UBE3C: variants seen among roughly 807,000 people sequenced by gnomAD.
UBE3C encodes the protein ubiquitin-protein ligase E3C.
Under a neutral mutation model 129.4 loss-of-function variants are expected in UBE3C, and 42 were observed. The ratio of observed to expected loss-of-function variants is 0.32; its 90% CI spans 0.25 to 0.42. UBE3C has a LOEUF of 0.42. Ranked by LOEUF, UBE3C falls within the 10% of genes least tolerant of loss-of-function variation. The pLI is 1.00. For missense variants in UBE3C, 1,049 were observed against 1,319.1 expected (o/e 0.80, Z 3.17); for synonymous variants, 510 against 492.4 (o/e 1.04, Z -0.47).
rs188549915 is a variant in UBE3C at position 157,177,624 on chromosome 7, G to A, written c.459-1066G>A. On this transcript the variant is annotated intron_variant, in intron 5 of 22. Coordinates refer to ENST00000348165, the MANE Select transcript of UBE3C (RefSeq NM_014671.3). The stretch of plus-strand genomic sequence containing the variant: ...CTCGTACACCCCTCGAGAGACACCA[G>A]TGTGGTGCTGAGGGGAAAGTTGTGA... 3.8e-4 allele frequency among the ~76,000 whole-genome samples: 58 copies of A among 152,348 alleles called. 2 individuals are homozygous for A. The highest frequency in any genetic ancestry group is 3.4e-3 in the Admixed American group (52 of 15,302).
chr7:157,265,566 A>G (rs1366375021), intron 22 of UBE3C, among the ~76,000 whole-genome samples: 1 of 152,194 alleles, frequency 6.6e-6, no homozygotes, highest in Admixed American at 6.5e-5. Flanking sequence ...AGCTGAGAGA[A>G]GTGCCCAGCA....
intron 9 of UBE3C, 39 bp downstream of exon 9, chr7:157,184,068 G>A (rs778052560): frequency 6.2e-7 from 1 of 1,601,718 alleles, no homozygotes; most frequent in South Asian, 1.1e-5. Flanking sequence ...CTGCGATGCA[G>A]GCAGCCCCGT....
intron 1 of UBE3C, among the ~76,000 whole-genome samples, chr7:157,149,129 T>C (rs1437089247): frequency 1.3e-5 from 2 of 152,156 alleles, no homozygotes; most frequent in East Asian, 3.9e-4. Flanking sequence ...CAATCTCGGC[T>C]CACTGCAACC....
intron 2 of UBE3C, among the ~76,000 whole-genome samples, chr7:157,165,188 C>A (rs888012502): frequency 1.3e-5 from 2 of 152,094 alleles, no homozygotes; most frequent in African/African-American, 4.8e-5. Context: ...AAATTCTCGG[C>A]CATTATCTCT....
chr7:157,208,052 A>AT, intron 13 of UBE3C, 117 bp downstream of exon 13: 1 of 206,282 alleles, frequency 4.8e-6, no homozygotes, highest in Non-Finnish European at 8.7e-6. Flanking sequence ...TTAATTTGCA[A>AT]GACTTTTTTT....
At chr7:157,158,206 A>T (rs1199667862) in intron 1 of UBE3C, among the ~76,000 whole-genome samples, 1 of 151,876 alleles carries the variant, frequency 6.6e-6, no homozygotes, top group Non-Finnish European at 1.5e-5. Context: ...AGTCAGCTTT[A>T]ACTTGGAGGC....
In UBE3C at chr7:157,143,449, C is replaced by T. The variant is rs573555904; in HGVS notation, c.66+4111C>T. On this transcript the variant is annotated intron_variant, in intron 1 of 22. Transcript: ENST00000348165. ...GCAGGTATCACCACCACAGGAGTTG[C>T]TTGTCTTTCTCCAGGAGCTGGGTGC... 2.6e-5 allele frequency among the ~76,000 whole-genome samples: 4 copies of T among 152,310 alleles called. No homozygotes were observed. The East Asian group carries it at 7.7e-4, about 29-fold the overall frequency.
At chr7:157,218,151 A>G (rs1368333436) in intron 14 of UBE3C, among the ~76,000 whole-genome samples, 2 of 152,186 alleles carry the variant, frequency 1.3e-5, no homozygotes, top group Non-Finnish European at 2.9e-5. Flanking sequence ...GAGGGTATAA[A>G]AGAAACCATG....
intron 11 of UBE3C, among the ~76,000 whole-genome samples, chr7:157,205,746 A>G (rs975390802): frequency 1.3e-5 from 2 of 152,222 alleles, no homozygotes; most frequent in African/African-American, 4.8e-5. Flanking sequence ...CACAACTGCA[A>G]ACATGGATCA....
chr7:157,173,857 T>C (rs1321121675), intron 4 of UBE3C, among the ~76,000 whole-genome samples: 1 of 152,202 alleles, frequency 6.6e-6, no homozygotes, highest in Non-Finnish European at 1.5e-5. Context: ...AGAAAGCCTG[T>C]GTGTAGGCAA....
intron 14 of UBE3C, among the ~76,000 whole-genome samples, chr7:157,219,527 A>G (rs1384464796): frequency 6.6e-6 from 1 of 152,228 alleles, no homozygotes; most frequent in African/African-American, 2.4e-5. Flanking sequence ...TTAGAAGTAC[A>G]TCTTTAACAA....
chr7:157,201,818 T>A lies in UBE3C; in HGVS notation c.1418+11T>A. ...ACGGATGATCACAGGGTATGTATTA[T>A]ACAGACTTATAAATTGAGCTCAAGG... is the stretch of plus-strand genomic sequence containing the variant. On this transcript the variant is annotated intron_variant, in intron 11 of 22. Transcript: ENST00000348165. The A allele has an allele frequency of 6.3e-7, 1 of 1,597,218 alleles. No individual in the cohort carries two copies. Among genetic ancestry groups the A allele is most frequent in the Non-Finnish European group, 8.5e-7 (1 of 1,171,452 alleles).
intron 2 of UBE3C, among the ~76,000 whole-genome samples, chr7:157,165,919 A>G (rs548439474): frequency 3.9e-5 from 6 of 152,266 alleles, no homozygotes; most frequent in African/African-American, 1.4e-4. Flanking sequence ...TTTCCTTTAT[A>G]GGTGACTAGC....
intron 1 of UBE3C, among the ~76,000 whole-genome samples, chr7:157,142,030 A>G (rs530302366): frequency 7.2e-5 from 11 of 152,348 alleles, no homozygotes; most frequent in African/African-American, 2.6e-4. Context: ...GAAGGTATCC[A>G]GGTTTCCACA....
intron 1 of UBE3C, 84 bp from the exon 2 acceptor site, chr7:157,163,726 G>C: frequency 2.1e-6 from 3 of 1,436,156 alleles, no homozygotes; most frequent in South Asian, 2.4e-5. Context: ...TCTTTTTTTG[G>C]GTGAAAACAT....
intron 5 of UBE3C, 85 bp downstream of exon 5, chr7:157,175,119 G>T: frequency 3.3e-6 from 2 of 604,444 alleles, no homozygotes; most frequent in Non-Finnish European, 4.7e-6. Flanking sequence ...TATTTTCAGA[G>T]ACAGTGGCTT....
intron 5 of UBE3C, among the ~76,000 whole-genome samples, chr7:157,176,088 A>G (rs990911511): frequency 5.3e-5 from 8 of 152,170 alleles, no homozygotes; most frequent in African/African-American, 1.9e-4. Flanking sequence ...ATGTATTTGT[A>G]TAAGCAAATA....
chr7:157,262,281 GAAA>G (rs530707082), intron 22 of UBE3C, among the ~76,000 whole-genome samples: 4 of 144,980 alleles, frequency 2.8e-5, no homozygotes, highest in African/African-American at 1.0e-4. Flanking sequence ...ACTATAATTA[GAAA>G]AAAAAAGACA....
intron 10 of UBE3C, chr7:157,188,846 C>T: frequency 2.2e-6 from 1 of 446,118 alleles, no homozygotes; most frequent in Non-Finnish European, 4.0e-6. Context: ...AGTATATTCC[C>T]AGGCTGATAA....
Sources: allele counts gnomAD v4.1 joint callset (sites outside exome capture counted in the v4.1 genomes callset), GRCh38; gene constraint gnomAD v4.1.1; transcripts MANE v1.5; gene names NCBI Gene and HGNC (gene_info 2026-07-23, HGNC 2026-07-21).